The following NKAIN2 variants were observed in gnomAD, a reference collection of about 807,000 sequenced individuals.
NKAIN2 encodes sodium/potassium transporting ATPase interacting 2.
Under a neutral mutation model 32.6 loss-of-function variants are expected in NKAIN2, and 14 were observed. The ratio of observed to expected loss-of-function variants is 0.43; its 90% CI spans 0.28 to 0.67. NKAIN2 has a LOEUF of 0.67. Among genes scored for constraint, NKAIN2 ranks in the 30% least tolerant of loss-of-function variants. The pLI, the probability that NKAIN2 is intolerant of heterozygous loss-of-function variation, is 0.17. For synonymous variants in NKAIN2, 80 were observed against 87.2 expected (o/e 0.92, Z 0.46); for missense variants, 198 against 258.3 (o/e 0.77, Z 1.60).
chr6:124,274,453 G>A (rs1468275609), intron 1 of NKAIN2, among the ~76,000 whole-genome samples: 1 of 152,044 alleles, frequency 6.6e-6, no homozygotes, highest in Non-Finnish European at 1.5e-5. Context: ...CAAAGTATTT[G>A]GTAGTAAAGC....
chr6:124,409,853 C>T (rs1024719962), intron 3 of NKAIN2, among the ~76,000 whole-genome samples: 2 of 152,078 alleles, frequency 1.3e-5, no homozygotes, highest in East Asian at 1.9e-4. Context: ...ATCTATTAAT[C>T]ATTGCCTCAA....
chr6:124,561,975 C>CT (rs1185213591), intron 3 of NKAIN2, among the ~76,000 whole-genome samples: 1 of 152,190 alleles, frequency 6.6e-6, no homozygotes, highest in Admixed American at 6.5e-5. Context: ...CATATTTTAT[C>CT]TCTGTGCTGT....
intron 3 of NKAIN2, among the ~76,000 whole-genome samples, chr6:124,540,285 G>C (rs1779863113): frequency 6.6e-6 from 1 of 152,190 alleles, no homozygotes; most frequent in African/African-American, 2.4e-5. Context: ...TAGTCATTTT[G>C]ATGTACAGAT....
intron 3 of NKAIN2, among the ~76,000 whole-genome samples, chr6:124,513,051 C>G (rs76702932): frequency 0.013 from 1,933 of 152,190 alleles, 36 homozygotes; most frequent in African/African-American, 0.04. Flanking sequence ...GAAATGTCCT[C>G]TAGGAGATAA....
intron 3 of NKAIN2, among the ~76,000 whole-genome samples, chr6:124,416,626 A>C (rs1300320382): frequency 6.6e-6 from 1 of 152,166 alleles, no homozygotes; most frequent in Non-Finnish European, 1.5e-5. Flanking sequence ...GTGACAAAGC[A>C]AGACTCTCAA....
At chr6:124,405,406 C>G (rs1583197362) in intron 3 of NKAIN2, among the ~76,000 whole-genome samples, 1 of 152,100 alleles carries the variant, frequency 6.6e-6, no homozygotes, top group African/African-American at 2.4e-5. Context: ...CTAAGATTTC[C>G]TTCCCTATCT....
intron 3 of NKAIN2, among the ~76,000 whole-genome samples, chr6:124,482,104 T>C (rs1777476368): frequency 6.6e-6 from 1 of 152,086 alleles, no homozygotes; most frequent in African/African-American, 2.4e-5. Context: ...GAAAGCAGAG[T>C]GCCAAGTCTC....
chr6:124,471,730 AAG>A (rs1776981723), intron 3 of NKAIN2, among the ~76,000 whole-genome samples: 1 of 152,142 alleles, frequency 6.6e-6, no homozygotes. Context: ...ACTCAATGAG[AAG>A]TTCTTTTAAT....
chr6:123,988,807 C>A (rs1779276506), intron 1 of NKAIN2, among the ~76,000 whole-genome samples: 1 of 151,654 alleles, frequency 6.6e-6, no homozygotes, highest in Non-Finnish European at 1.5e-5. Flanking sequence ...TCATAACATT[C>A]TTTTTAAGGT....
chr6:124,234,105 G>T (rs773299593), intron 1 of NKAIN2, among the ~76,000 whole-genome samples: 2 of 151,970 alleles, frequency 1.3e-5, no homozygotes, highest in Non-Finnish European at 2.9e-5. Context: ...AGCTCTTTCT[G>T]TTGTCTAGTT....
In NKAIN2 at chr6:124,707,677, T is replaced by A. The variant is rs548545706; in HGVS notation, c.474+49291T>A. 7.2e-5 allele frequency among the ~76,000 whole-genome samples: 11 copies of A among 151,848 alleles called. No homozygotes were observed. The East Asian group carries it at 1.9e-3, about 27-fold the overall frequency. On this transcript the variant is annotated intron_variant, in intron 4 of 6. Transcript: ENST00000368417. The stretch of plus-strand genomic sequence containing the variant: ...TCTGTTCATGTCCTTGGCCCACTTT[T>A]TGATGGGGTTGTTTGTTTTTTTCTT...
intron 1 of NKAIN2, among the ~76,000 whole-genome samples, chr6:124,099,581 G>A (rs1784789216): frequency 6.6e-6 from 1 of 152,170 alleles, no homozygotes; most frequent in Admixed American, 6.5e-5. Context: ...ATAAATGGCT[G>A]TATTAAAGAA....
At chr6:124,775,217 T>C (rs1778934431) in intron 4 of NKAIN2, among the ~76,000 whole-genome samples, 1 of 152,216 alleles carries the variant, frequency 6.6e-6, no homozygotes, top group Non-Finnish European at 1.5e-5. Context: ...AAAAAGCAGA[T>C]ATTCAGACAA....
intron 1 of NKAIN2, among the ~76,000 whole-genome samples, chr6:123,914,097 G>A (rs578092582): frequency 6.6e-6 from 1 of 152,196 alleles, no homozygotes; most frequent in African/African-American, 2.4e-5. Context: ...CAAGGTTCTG[G>A]AGGCTGGAAG....
intron 1 of NKAIN2, among the ~76,000 whole-genome samples, chr6:123,958,170 AG>A (rs1369805587): frequency 2.6e-5 from 4 of 152,140 alleles, no homozygotes; most frequent in Non-Finnish European, 5.9e-5. Flanking sequence ...CAGTGTAGGA[AG>A]GTATCTTTAG....
intron 1 of NKAIN2, among the ~76,000 whole-genome samples, chr6:124,136,618 G>A (rs1324714626): frequency 1.3e-5 from 2 of 152,072 alleles, no homozygotes; most frequent in African/African-American, 4.8e-5. Context: ...TAAAATACTG[G>A]CTAACGAAAC....
chr6:124,720,081 A>C (rs1260748121), intron 4 of NKAIN2, among the ~76,000 whole-genome samples: 2 of 152,158 alleles, frequency 1.3e-5, no homozygotes, highest in Non-Finnish European at 2.9e-5. Context: ...ATCAAGATTC[A>C]TGCTATCAGT....
chr6:124,270,625 A>G (rs1333236691), intron 1 of NKAIN2, among the ~76,000 whole-genome samples: 2 of 152,208 alleles, frequency 1.3e-5, no homozygotes, highest in East Asian at 3.8e-4. Context: ...TGAGCTCTCA[A>G]TGAATACAAA....
chr6:124,248,507 C>T (rs550618929), intron 1 of NKAIN2, among the ~76,000 whole-genome samples: 63 of 152,030 alleles, frequency 4.1e-4, no homozygotes, highest in African/African-American at 1.5e-3. Context: ...CTTATTAATT[C>T]CCAAGGATTT....
Sources: gnomAD v4.1 joint callset for allele counts (sites outside exome capture counted in the v4.1 genomes callset) on GRCh38, gnomAD v4.1.1 for gene constraint, MANE v1.5 for transcripts, NCBI Gene and HGNC (gene_info 2026-07-23, HGNC 2026-07-21) for gene names.